MSH3: variants seen among roughly 807,000 people sequenced by gnomAD.
MSH3 encodes DNA mismatch repair protein Msh3.
MSH3 carries 106 observed loss-of-function variants against 123.3 expected under a neutral mutation model. The observed-to-expected ratio is 0.86, with a 90% CI of 0.73 to 1.01. MSH3 has a LOEUF of 1.01. Among genes scored for constraint, MSH3 ranks in the 50% least tolerant of loss-of-function variants. The pLI is 0.00. For synonymous variants in MSH3, 515 were observed against 481.4 expected (o/e 1.07, Z -0.91); for missense variants, 1,459 against 1,347.6 (o/e 1.08, Z -1.29).
chr5:80,734,397 T>C (rs1031814940), intron 10 of MSH3, among the ~76,000 whole-genome samples: 3 of 152,226 alleles, frequency 2.0e-5, no homozygotes, highest in African/African-American at 7.2e-5. Flanking sequence ...CCAATTTTAA[T>C]ATACTAAATA....
At chr5:80,756,774 A>G (rs1743934341) in intron 12 of MSH3, among the ~76,000 whole-genome samples, 1 of 152,220 alleles carries the variant, frequency 6.6e-6, no homozygotes, top group Non-Finnish European at 1.5e-5. Flanking sequence ...ACTTTGTACA[A>G]TTAGTACTTT....
chr5:80,865,157 T>C (rs890445228), intron 22 of MSH3, among the ~76,000 whole-genome samples: 2 of 152,198 alleles, frequency 1.3e-5, no homozygotes, highest in African/African-American at 4.8e-5. Flanking sequence ...CTTCCTTGTC[T>C]CATTTGTCGT....
intron 15 of MSH3, among the ~76,000 whole-genome samples, chr5:80,770,887 G>A (rs1336155625): frequency 6.6e-6 from 1 of 152,148 alleles, no homozygotes; most frequent in East Asian, 1.9e-4. Flanking sequence ...TAGTAGACTG[G>A]TTATTCATTA....
intron 8 of MSH3, among the ~76,000 whole-genome samples, chr5:80,700,252 G>A (rs951079574): frequency 2.6e-5 from 4 of 152,094 alleles, no homozygotes; most frequent in African/African-American, 4.8e-5. Flanking sequence ...ATGATGGCAC[G>A]TGCCTGTAAT....
rs900500628 is a variant in MSH3 at position 80,748,141 on chromosome 5, C to T, written c.1763+3526C>T. On this transcript the variant is annotated intron_variant, in intron 12 of 23. Coordinates refer to ENST00000265081, the MANE Select transcript of MSH3 (RefSeq NM_002439.5). ...GGGGATTTAGCAAAATAATGCAGATCTCCCCAGGTTCTGCAAGATCCCATT... is the reference window on the plus strand; with the variant it reads ...GGGGATTTAGCAAAATAATGCAGATTTCCCCAGGTTCTGCAAGATCCCATT... Among the ~76,000 whole-genome samples, 4 of 152,144 alleles carry T rather than the reference C, an allele frequency of 2.6e-5. No individual in the cohort carries two copies. The East Asian group carries it at 7.7e-4, about 29-fold the overall frequency.
chr5:80,816,413 A>T (rs957096605), intron 20 of MSH3, among the ~76,000 whole-genome samples: 1 of 152,228 alleles, frequency 6.6e-6, no homozygotes, highest in African/African-American at 2.4e-5. Context: ...CATGTGCAAA[A>T]GTCCTTTAGC....
At chr5:80,811,070 A>T (rs993213114) in intron 19 of MSH3, among the ~76,000 whole-genome samples, 1 of 152,070 alleles carries the variant, frequency 6.6e-6, no homozygotes, top group Non-Finnish European at 1.5e-5. Flanking sequence ...TCTGTCCCCA[A>T]GCGTTTTGGA....
chr5:80,861,102 A>G (rs1426316655), intron 21 of MSH3, among the ~76,000 whole-genome samples: 1 of 152,174 alleles, frequency 6.6e-6, no homozygotes, highest in East Asian at 1.9e-4. Flanking sequence ...TTAGCATACT[A>G]ATCAGTTGCT....
rs376143909 is a variant in MSH3 at position 80,868,915 on chromosome 5, A to G, written c.3130+3973A>G. On this transcript the variant is annotated intron_variant, in intron 22 of 23. Coordinates refer to ENST00000265081, the MANE Select transcript of MSH3 (RefSeq NM_002439.5). The stretch of plus-strand genomic sequence containing the variant: ...CTGCCTTCCAATATTGTTCCTGGCT[A>G]TATCTGTGCTTCATCCATTACCTCT... 3.3e-5 allele frequency among the ~76,000 whole-genome samples: 5 copies of G among 152,218 alleles called. No homozygotes were observed. The East Asian group carries it at 5.8e-4, about 18-fold the overall frequency.
chr5:80,767,936 T>A lies in MSH3; in HGVS notation c.1900T>A (p.Ser634Thr), dbSNP rs781236466. 2 of 1,605,128 alleles carry A rather than the reference T, an allele frequency of 1.2e-6. No individual in the cohort carries two copies. Among genetic ancestry groups the A allele is most frequent in the Non-Finnish European group, 1.7e-6 (2 of 1,172,046 alleles). ...TAAAAAATATTTCTATTTTCAGTGT[T>A]CTACCCAAGAGTTCTTCTTGATTGT... ...GLCSIYHKKCSTQEFFLIVKT... is the reference protein window; with the variant it reads ...GLCSIYHKKCTTQEFFLIVKT... Residue 634 changes from serine to threonine, a missense_variant, in exon 14 of 24, where the codon TCT (serine) becomes ACT (threonine). By Grantham distance (58) the Ser-to-Thr change is moderately conservative. Transcript: ENST00000265081.
chr5:80,723,846 T>A (rs1385535442), intron 8 of MSH3, among the ~76,000 whole-genome samples: 5 of 152,170 alleles, frequency 3.3e-5, no homozygotes, highest in Non-Finnish European at 7.3e-5. Flanking sequence ...CATTGCAGCC[T>A]TGACTCCCTG....
At chr5:80,697,573 G>C (rs1023654811) in intron 8 of MSH3, among the ~76,000 whole-genome samples, 18 of 152,160 alleles carry the variant, frequency 1.2e-4, no homozygotes, top group African/African-American at 4.1e-4. Context: ...CAGTATTATT[G>C]AAGGTAAAGG....
At chr5:80,659,334 CA>C (rs1293817780) in intron 2 of MSH3, among the ~76,000 whole-genome samples, 1 of 152,116 alleles carries the variant, frequency 6.6e-6, no homozygotes, top group Non-Finnish European at 1.5e-5. Context: ...CAACCATCAT[CA>C]AAGTCAATTT....
At chr5:80,774,433 A>G (rs1419403390) in intron 15 of MSH3, among the ~76,000 whole-genome samples, 2 of 151,974 alleles carry the variant, frequency 1.3e-5, no homozygotes, top group African/African-American at 2.4e-5. Flanking sequence ...TAGAGCTACC[A>G]TATGATCCAG....
chr5:80,654,885 CGGCTGCAGCG>C lies in MSH3; in HGVS notation c.160_169del (p.Ala54ProfsTer23). On this transcript the variant is annotated frameshift_variant, in exon 1 of 24. Coordinates refer to ENST00000265081, the MANE Select transcript of MSH3 (RefSeq NM_002439.5). LOFTEE classifies it high-confidence loss of function. ...GACCAGGTGGACCCTGGCGCTGCAG[CGGCTGCAGCG>C]GCCGCAGCGGCCGCAGCGCCCCCAG... The C allele has an allele frequency of 2.3e-6, 2 of 851,894 alleles. No homozygotes were observed. The highest frequency in any genetic ancestry group is 3.3e-6 in the Non-Finnish European group (2 of 614,754). The allele number at this position is 851,894 out of a possible 1,614,324, so 52.8% of individuals were successfully genotyped here.
At chr5:80,746,351 A>G (rs1228714133) in intron 12 of MSH3, 5 of 382,008 alleles carry the variant, frequency 1.3e-5, no homozygotes, top group Admixed American at 3.3e-5. Flanking sequence ...TTCTGTTCAC[A>G]CCGCTGGTTC....
chr5:80,720,198 T>C, intron 8 of MSH3, among the ~76,000 whole-genome samples: 1 of 152,206 alleles, frequency 6.6e-6, no homozygotes, highest in East Asian at 1.9e-4. Context: ...TATAAACAAC[T>C]TGTCATTTTG....
chr5:80,743,978 AT>A (rs201454796), intron 11 of MSH3, among the ~76,000 whole-genome samples: 5 of 151,142 alleles, frequency 3.3e-5, no homozygotes, highest in African/African-American at 7.3e-5. Flanking sequence ...GTTAATTGTG[AT>A]TTTTTTTTAA....
chr5:80,875,987 C>G lies in MSH3; in HGVS notation c.*125C>G. On this transcript the variant is annotated 3_prime_UTR_variant, in exon 24 of 24. Coordinates refer to ENST00000265081, the MANE Select transcript of MSH3 (RefSeq NM_002439.5). Reference sequence around the variant, plus strand: ...ATAAAATTATGACCATGGTATATTCCTATTGGAAACAGAGAGGTTTTTCTG... The same window carrying G: ...ATAAAATTATGACCATGGTATATTCGTATTGGAAACAGAGAGGTTTTTCTG... 1.5e-6 allele frequency: 1 copy of G among 679,432 alleles called. No individual in the cohort carries two copies. The highest frequency in any genetic ancestry group is 3.9e-4 in the Middle Eastern group (1 of 2,532). The allele number at this position is 679,432 out of a possible 1,614,324, so 42.1% of individuals were successfully genotyped here.
Sources: gnomAD v4.1 joint callset for allele counts (sites outside exome capture counted in the v4.1 genomes callset) on GRCh38, gnomAD v4.1.1 for gene constraint, MANE v1.5 for transcripts, NCBI Gene and HGNC (gene_info 2026-07-23, HGNC 2026-07-21) for gene names.